The following CHAF1A variants were observed in gnomAD, a reference collection of about 807,000 sequenced individuals.
CHAF1A encodes chromatin assembly factor 1 subunit A, also known as CAF-1 subunit A.
Under a neutral mutation model 93.2 loss-of-function variants are expected in CHAF1A, and 5 were observed. That is an observed-to-expected ratio of 0.05 (90% CI 0.03 to 0.11). CHAF1A has a LOEUF of 0.11. CHAF1A is among the 10% of genes least tolerant of loss of function. The pLI is 1.00. For synonymous variants in CHAF1A, 504 were observed against 510.3 expected, an observed-to-expected ratio of 0.99 and a Z score of 0.17; for missense variants, 1,102 against 1,259.9, an observed-to-expected ratio of 0.87 and a Z score of 1.90.
intron 2 of CHAF1A, among the ~76,000 whole-genome samples, chr19:4,406,433 A>ATTTT (rs35200206): frequency 3.8e-5 from 5 of 133,228 alleles, no homozygotes; most frequent in East Asian, 2.2e-4. Context: ...TTGGATTGTA[A>ATTTT]TTTTTTTTTT....
At chr19:4,415,519 C>T (rs1387226229) in intron 3 of CHAF1A, among the ~76,000 whole-genome samples, 3 of 152,252 alleles carry the variant, frequency 2.0e-5, no homozygotes, top group Non-Finnish European at 4.4e-5. Flanking sequence ...CGGAGAGCTG[C>T]GGCTCCCATA....
chr19:4,432,899 G>T (rs910485939), intron 12 of CHAF1A, among the ~76,000 whole-genome samples, 171 bp from the exon 13 acceptor site: 3 of 152,130 alleles, frequency 2.0e-5, no homozygotes, highest in Non-Finnish European at 4.4e-5. Flanking sequence ...TTCTGGGCAG[G>T]TGCGTAGGTG....
chr19:4,440,732 G>A (rs76997562), intron 13 of CHAF1A, among the ~76,000 whole-genome samples: 1,613 of 151,436 alleles, frequency 0.011, 18 homozygotes, highest in Admixed American at 0.024. Context: ...CATAGCCCAG[G>A]GCTCCTGAGC....
At chr19:4,448,023 G>C (rs565334741), downstream of CHAF1A, 1 of 529,740 alleles carries the variant, frequency 1.9e-6, no homozygotes, top group African/African-American at 1.9e-5. Context: ...CCCCGATCCT[G>C]AGACCCGGGG....
chr19:4,416,891 A>G (rs1973905636), intron 3 of CHAF1A, among the ~76,000 whole-genome samples: 1 of 152,198 alleles, frequency 6.6e-6, no homozygotes, highest in Admixed American at 6.5e-5. Flanking sequence ...GTAAGACTCC[A>G]TCTCAAAAAT....
intron 3 of CHAF1A, among the ~76,000 whole-genome samples, chr19:4,411,642 A>ATTTTTTTTTTTTTTTTT (rs1202069647): frequency 2.3e-3 from 89 of 37,992 alleles, no homozygotes; most frequent in Non-Finnish European, 3.5e-3. Flanking sequence ...AATGGTGCAA[A>ATTTTTTTTTTTTTTTTT]TCTTTTTTTT....
chr19:4,449,733 T>G (rs1254011862), downstream of CHAF1A: 1 of 152,102 alleles, frequency 6.6e-6, no homozygotes, highest in Non-Finnish European at 1.5e-5. Flanking sequence ...CATACAGGAA[T>G]GTACTTTGTG....
rs1974129365 is a variant in CHAF1A, at chr19:4,428,800, A to C, written c.1514A>C (p.Glu505Ala). The change falls in exon 8 of 15, where the codon GAG (glutamate) becomes GCG (alanine). Residue 505 changes from glutamate (E) to alanine (A), a missense_variant. Transcript: ENST00000301280. ...LDQLLQQQSG[E>A]FSFLKDLKGR... ...CAGCTCCTCCAGCAGCAGAGCGGCG[A>C]GTTCTCCTTCTTGAAAGACCTCAAA... is the stretch of plus-strand genomic sequence containing the variant. The C allele has an allele frequency of 6.2e-7, 1 of 1,614,050 alleles. No homozygotes were observed. Among genetic ancestry groups the C allele is most frequent in the Admixed American group, 1.7e-5 (1 of 60,016 alleles).
rs1163614867 is a variant in CHAF1A, at chr19:4,433,129, C to T, written c.2263C>T (p.Arg755Trp). The change falls in exon 13 of 15, where the codon CGG becomes TGG. Residue 755 changes from arginine (R) to tryptophan (W), a missense_variant. Physicochemically the swap from Arg to Trp is moderately radical, Grantham distance 101 (BLOSUM62 -3). This residue lies in a region of CHAF1A where 335 missense variants were observed against 361.9 expected (regional missense o/e 0.93). Coordinates refer to ENST00000301280, the MANE Select transcript of CHAF1A (RefSeq NM_005483.3). The surrounding 1 kb of genome is among the most constrained non-coding windows in gnomAD (Gnocchi z 5.6). ...GNVNGSKVII[R>W]EFQEHCRRGL... ...TGTGAACGGGAGCAAGGTCATCATC[C>T]GGGAGTTCCAGGAGCACTGCCGCCG... 2.5e-6 allele frequency: 4 copies of T among 1,611,598 alleles called. No individual in the cohort carries two copies. The highest frequency in any genetic ancestry group is 1.7e-5 in the Admixed American group (1 of 59,938).
Position 4,433,398 on chromosome 19 carries a change from G to T in CHAF1A, c.2532G>T (p.Ser844=), listed in dbSNP as rs565521134. The T allele has an allele frequency of 1.2e-6, 2 of 1,612,498 alleles. No individual in the cohort carries two copies. Among genetic ancestry groups the T allele is most frequent in the Non-Finnish European group, 1.7e-6 (2 of 1,178,868 alleles). The change falls in exon 13 of 15, where the codon TCG becomes TCT. Residue 844 remains serine, a synonymous_variant. Transcript: ENST00000301280. The surrounding 1 kb of genome is among the most constrained non-coding windows in gnomAD (Gnocchi z 5.6). ...PVPCQWSYVT[S]VPSAPKEDSG... is the part of the protein sequence containing the mutation. The stretch of plus-strand genomic sequence containing the variant: ...CGTGCCAGTGGAGCTATGTGACATC[G>T]GTGCCCTCGGCCCCCAAAGAGGACA...
At chr19:4,429,051 T>G (rs1974135028) in intron 8 of CHAF1A, 161 bp downstream of exon 8, 1 of 617,330 alleles carries the variant, frequency 1.6e-6, no homozygotes, top group African/African-American at 1.8e-5. Flanking sequence ...TCTCTCCACC[T>G]GGCCTTCCTG....
chr19:4,424,728 G>A (rs1025995346), intron 7 of CHAF1A, among the ~76,000 whole-genome samples: 6 of 152,120 alleles, frequency 3.9e-5, no homozygotes, highest in Non-Finnish European at 8.8e-5. Context: ...TCCACCTCCC[G>A]GGTTCCAGTG....
chr19:4,447,638 GAGA>G (rs1974564447), downstream of CHAF1A: 2 of 1,613,824 alleles, frequency 1.2e-6, no homozygotes, highest in Non-Finnish European at 1.7e-6. Flanking sequence ...GGGGTAGGTG[GAGA>G]AGGTGAGTGG....
rs1266443865 is a variant in CHAF1A at position 4,408,998 on chromosome 19, G to A, written c.199G>A (p.Asp67Asn). 7 of 1,614,050 alleles carry A rather than the reference G, an allele frequency of 4.3e-6. No homozygotes were observed. The highest frequency in any genetic ancestry group is 2.2e-5 in the South Asian group (2 of 91,088). ...QGTSVQSKSP[D>N]LEASLDTLEN... ...TACTTCTGTGCAAAGTAAAAGCCCC[G>A]ATTTAGAGGCCTCTTTGGACACCTT... is the stretch of plus-strand genomic sequence containing the variant. Residue 67 changes from aspartate to asparagine, a missense_variant, in exon 3 of 15, where the codon GAT (aspartate) becomes AAT (asparagine). This residue lies in a region of CHAF1A where 379 missense variants were observed against 365.7 expected (regional missense o/e 1.04). Coordinates refer to ENST00000301280, the MANE Select transcript of CHAF1A (RefSeq NM_005483.3).
At chr19:4,444,330 T>G (rs1393775091), downstream of CHAF1A, among the ~76,000 whole-genome samples, 1 of 152,104 alleles carries the variant, frequency 6.6e-6, no homozygotes, top group African/African-American at 2.4e-5. Flanking sequence ...CCTTCCACAC[T>G]GCAGGGCAGA....
chr19:4,441,215 GCCGAGGCAGGAGA>G (rs1203131588), intron 13 of CHAF1A, among the ~76,000 whole-genome samples: 2 of 152,102 alleles, frequency 1.3e-5, no homozygotes, highest in Admixed American at 6.6e-5. Flanking sequence ...TACTCAGGAG[GCCGAGGCAGGAGA>G]ATCACTTGAA....
At position 4,409,709 on chromosome 19, in the gene CHAF1A, A is replaced by G; in HGVS notation, c.910A>G (p.Lys304Glu). ...GCCCGAGGGGCCGCCTGCTCCCCCA[A>G]AGCAGCACAGCAGTACCAGTCCCTT... Reference protein sequence around the residue: ...SSPEGPPAPPKQHSSTSPFPT... With the variant: ...SSPEGPPAPPEQHSSTSPFPT... The change falls in exon 3 of 15, where the codon AAG becomes GAG. Residue 304 changes from lysine (K) to glutamate (E), a missense_variant. Physicochemically the swap from Lys to Glu is moderately conservative, Grantham distance 56. This residue lies in a region of CHAF1A where 379 missense variants were observed against 365.7 expected (regional missense o/e 1.04). Coordinates refer to ENST00000301280, the MANE Select transcript of CHAF1A (RefSeq NM_005483.3). 2 of 1,613,956 alleles carry G rather than the reference A, an allele frequency of 1.2e-6. No individual in the cohort carries two copies. Among genetic ancestry groups the G allele is most frequent in the Non-Finnish European group, 1.7e-6 (2 of 1,179,958 alleles).
chr19:4,409,512 C>G lies in CHAF1A; in HGVS notation c.713C>G (p.Pro238Arg). The part of the protein sequence containing the change: ...AGGILFKGKV[P>R]MVVLQDILAV... ...GGCATCCTGTTCAAAGGGAAGGTGC[C>G]TATGGTGGTCTTGCAGGACATCTTG... is the stretch of plus-strand genomic sequence containing the variant. Residue 238 changes from proline (P) to arginine (R), a missense_variant, in exon 3 of 15, where the codon CCT (proline) becomes CGT (arginine). Physicochemically the swap from Pro to Arg is moderately radical, Grantham distance 103 (BLOSUM62 -2). Coordinates refer to ENST00000301280, the MANE Select transcript of CHAF1A (RefSeq NM_005483.3). The G allele has an allele frequency of 1.2e-6, 2 of 1,614,070 alleles. No individual in the cohort carries two copies. Among genetic ancestry groups the G allele is most frequent in the East Asian group, 2.2e-5 (1 of 44,864 alleles).
chr19:4,415,900 G>A (rs1205441606), intron 3 of CHAF1A, among the ~76,000 whole-genome samples: 2 of 152,162 alleles, frequency 1.3e-5, no homozygotes, highest in African/African-American at 4.8e-5. Flanking sequence ...TTGGCCGGGC[G>A]CGGTGGCTCA....
Sources: allele counts gnomAD v4.1 joint callset (sites outside exome capture counted in the v4.1 genomes callset), GRCh38; gene constraint gnomAD v4.1.1; regional missense constraint gnomAD v4.1.1; non-coding constraint Gnocchi (gnomAD v3.1); transcripts MANE v1.5; gene names NCBI Gene and HGNC (gene_info 2026-07-23, HGNC 2026-07-21).